Variants in INSC observed in about 807,000 individuals in gnomAD.
INSC encodes protein inscuteable homolog.
INSC carries 67 observed loss-of-function variants against 58.6 expected under a neutral mutation model. That is an observed-to-expected ratio of 1.14 (90% CI 0.94 to 1.40). The LOEUF is 1.40. Among genes scored for constraint, INSC ranks in the 40% most tolerant of loss-of-function variants. INSC has a pLI of 0.00. For synonymous variants in INSC, 262 were observed against 276.1 expected (o/e 0.95, Z 0.51); for missense variants, 714 against 692.0 (o/e 1.03, Z -0.36).
At chr11:15,180,684 A>AGGGGGGG (rs375510258) in intron 5 of INSC, among the ~76,000 whole-genome samples, 1 of 39,942 alleles carries the variant, frequency 2.5e-5, no homozygotes, top group African/African-American at 1.1e-4. Context: ...GGTAGGAGTG[A>AGGGGGGG]GGGGGGGGGC....
chr11:15,139,136 T>C (rs564700037), intron 1 of INSC, among the ~76,000 whole-genome samples: 1 of 152,210 alleles, frequency 6.6e-6, no homozygotes, highest in Non-Finnish European at 1.5e-5. Flanking sequence ...CCAACCTGGG[T>C]CCTCATAATG....
chr11:15,153,035 A>T (rs897540594), intron 2 of INSC, among the ~76,000 whole-genome samples: 1 of 152,206 alleles, frequency 6.6e-6, no homozygotes, highest in South Asian at 2.1e-4. Flanking sequence ...TTGTTTATTC[A>T]TTAGCTTTCA....
chr11:15,255,476 T>A, the INSC span, among the ~76,000 whole-genome samples: 3 of 152,196 alleles, frequency 2.0e-5, no homozygotes, highest in Non-Finnish European at 4.4e-5. Context: ...GAGTAAAGCA[T>A]CAAAGACAAA....
intron 8 of INSC, among the ~76,000 whole-genome samples, chr11:15,222,634 T>C (rs10500810): frequency 0.1 from 15,457 of 152,206 alleles, 1,569 homozygotes; most frequent in African/African-American, 0.26. Flanking sequence ...CTTCACAATT[T>C]TCCTAATATA....
rs375068277 is a variant in INSC at position 15,200,919 on chromosome 11, C to T, written c.789C>T (p.Cys263=). Residue 263 remains cysteine (C), a synonymous_variant, in exon 7 of 13, where the codon TGC becomes TGT. Coordinates refer to ENST00000379556, the MANE Select transcript of INSC (RefSeq NM_001042536.3). Reference sequence around the variant, plus strand: ...TCCGCACGCTGGCCTCCATCTGCTGCGTGGAAGAGGGTGTCCACCAGCTGG... The same window carrying T: ...TCCGCACGCTGGCCTCCATCTGCTGTGTGGAAGAGGGTGTCCACCAGCTGG... ...QALRTLASIC[C]VEEGVHQLEK... 111 of 1,611,730 alleles carry T rather than the reference C, an allele frequency of 6.9e-5. No homozygotes were observed. The highest frequency in any genetic ancestry group is 1.6e-4 in the East Asian group (7 of 44,780).
chr11:15,158,908 A>G (rs542827985), intron 2 of INSC, among the ~76,000 whole-genome samples: 4 of 115,086 alleles, frequency 3.5e-5, no homozygotes, highest in South Asian at 5.6e-4. Context: ...GCTGAGCTCT[A>G]TGAAGGCTGG....
chr11:15,182,805 T>A (rs1182331423), intron 5 of INSC, among the ~76,000 whole-genome samples: 2 of 152,202 alleles, frequency 1.3e-5, no homozygotes, highest in Non-Finnish European at 2.9e-5. Flanking sequence ...TTTCATTTGT[T>A]TTCTTTCTTA....
chr11:15,161,327 A>G (rs1326460364), intron 2 of INSC, among the ~76,000 whole-genome samples: 1 of 152,246 alleles, frequency 6.6e-6, no homozygotes. Flanking sequence ...TGATTAACAA[A>G]AAATGATATA....
At chr11:15,218,567 T>C (rs928313773) in intron 7 of INSC, among the ~76,000 whole-genome samples, 1 of 151,688 alleles carries the variant, frequency 6.6e-6, no homozygotes, top group African/African-American at 2.4e-5. Flanking sequence ...TCTCTCTATA[T>C]ATATATATGT....
intron 2 of INSC, among the ~76,000 whole-genome samples, chr11:15,166,247 C>G (rs1849192416): frequency 6.6e-6 from 1 of 152,184 alleles, no homozygotes; most frequent in Admixed American, 6.5e-5. Context: ...CCTTTACATT[C>G]AGGCCAGGCT....
intron 9 of INSC, among the ~76,000 whole-genome samples, chr11:15,229,747 G>A (rs189308207): frequency 6.6e-6 from 1 of 150,840 alleles, no homozygotes; most frequent in African/African-American, 2.4e-5. Flanking sequence ...TATAGTTAAT[G>A]TGGTGGCAAT....
In INSC at chr11:15,149,166, G is replaced by T; in HGVS notation, c.-9G>T. ...CTGCAAGCAGGCTTTGCTGCAGATT[G>T]GGATCAACATGATGGCACTGCCTGG... On this transcript the variant is annotated 5_prime_UTR_variant, in exon 2 of 13. Coordinates refer to ENST00000379556, the MANE Select transcript of INSC (RefSeq NM_001042536.3). 6.2e-7 allele frequency: 1 copy of T among 1,611,398 alleles called. No homozygotes were observed. Among genetic ancestry groups the T allele is most frequent in the Non-Finnish European group, 8.5e-7 (1 of 1,178,876 alleles).
chr11:15,236,990 CG>C (rs1482507932), intron 10 of INSC, among the ~76,000 whole-genome samples: 1 of 152,170 alleles, frequency 6.6e-6, no homozygotes, highest in Non-Finnish European at 1.5e-5. Context: ...TAGAGCCTTA[CG>C]TTGAAGTGTT....
intron 1 of INSC, among the ~76,000 whole-genome samples, chr11:15,137,474 G>T (rs1848273017): frequency 6.6e-6 from 1 of 152,142 alleles, no homozygotes; most frequent in Non-Finnish European, 1.5e-5. Context: ...AAGATCTGTT[G>T]TTAAGTGTAG....
At chr11:15,178,666 G>T (rs1378984087) in intron 5 of INSC, among the ~76,000 whole-genome samples, 1 of 152,212 alleles carries the variant, frequency 6.6e-6, no homozygotes, top group Non-Finnish European at 1.5e-5. Context: ...GCATTTTCCA[G>T]ATGTGAAAAC....
chr11:15,210,411 T>TCTGTGGGCTACAGACATGCC (rs1850974809), intron 7 of INSC, among the ~76,000 whole-genome samples: 1 of 151,500 alleles, frequency 6.6e-6, no homozygotes, highest in African/African-American at 2.4e-5. Context: ...TTCTGTGGGT[T>TCTGTGGGCTACAGACATGCC]TGGGTTGTGT....
intron 9 of INSC, among the ~76,000 whole-genome samples, chr11:15,228,973 A>G (rs900987041): frequency 1.3e-4 from 20 of 152,146 alleles, no homozygotes; most frequent in African/African-American, 3.1e-4. Context: ...AGCAATCTGA[A>G]TAGTCCTATG....
intron 9 of INSC, among the ~76,000 whole-genome samples, chr11:15,229,383 C>T (rs1425850687): frequency 6.6e-6 from 1 of 152,102 alleles, no homozygotes; most frequent in African/African-American, 2.4e-5. Flanking sequence ...CAAAATCTCT[C>T]TATAGTTTAT....
the INSC span, among the ~76,000 whole-genome samples, chr11:15,255,291 A>T: frequency 6.6e-6 from 1 of 152,234 alleles, no homozygotes; most frequent in African/African-American, 2.4e-5. Context: ...AAGCACAGAT[A>T]CACAATATTT....
Sources: gnomAD v4.1 joint callset for allele counts (sites outside exome capture counted in the v4.1 genomes callset) on GRCh38, gnomAD v4.1.1 for gene constraint, MANE v1.5 for transcripts, NCBI Gene and HGNC (gene_info 2026-07-23, HGNC 2026-07-21) for gene names.